Variants in MAPK10 observed in about 807,000 individuals in gnomAD.
MAPK10 encodes JNK3 alpha protein kinase.
Under a neutral mutation model 59.3 loss-of-function variants are expected in MAPK10, and 25 were observed. The ratio of observed to expected loss-of-function variants is 0.42; its 90% CI spans 0.31 to 0.59. MAPK10 has a LOEUF of 0.59. MAPK10 is among the 20% of genes least tolerant of loss of function. The pLI is 0.15. For synonymous variants in MAPK10, 190 were observed against 200.5 expected, an observed-to-expected ratio of 0.95 and a Z score of 0.44; for missense variants, 351 against 568.9, an observed-to-expected ratio of 0.62 and a Z score of 3.90.
intron 1 of MAPK10, among the ~76,000 whole-genome samples, chr4:86,566,897 C>T (rs1260296028): frequency 6.6e-6 from 1 of 151,788 alleles, no homozygotes; most frequent in African/African-American, 2.4e-5. Context: ...GGCGAAACCC[C>T]GTCTCTACTA....
intron 9 of MAPK10, among the ~76,000 whole-genome samples, chr4:86,092,949 C>T (rs2053529687): frequency 6.6e-6 from 1 of 151,952 alleles, no homozygotes; most frequent in Admixed American, 6.6e-5. Context: ...AGTCACTTTC[C>T]TTAGAAGAAA....
chr4:86,344,775 C>T (rs13115172), intron 2 of MAPK10, among the ~76,000 whole-genome samples: 109,727 of 152,090 alleles, frequency 0.72, 40,372 homozygotes, highest in South Asian at 0.9. Flanking sequence ...TGATATCATA[C>T]CTAAAGTGAC....
At chr4:86,438,774 C>A (rs1749075994) in intron 1 of MAPK10, among the ~76,000 whole-genome samples, 1 of 151,450 alleles carries the variant, frequency 6.6e-6, no homozygotes, top group African/African-American at 2.4e-5. Context: ...ACTGAGGGAA[C>A]CATCAGACTA....
intron 1 of MAPK10, among the ~76,000 whole-genome samples, chr4:86,474,195 A>G: frequency 6.6e-6 from 1 of 152,102 alleles, no homozygotes; most frequent in East Asian, 1.9e-4. Flanking sequence ...TTGGTGCACA[A>G]TTTTTATTTG....
chr4:86,441,435 C>G (rs182230652), intron 1 of MAPK10, among the ~76,000 whole-genome samples: 1 of 152,164 alleles, frequency 6.6e-6, no homozygotes, highest in South Asian at 2.1e-4. Flanking sequence ...TTTTGCATTG[C>G]GTAGTTACAG....
At chr4:86,177,321 C>T (rs2149273429) in intron 3 of MAPK10, among the ~76,000 whole-genome samples, 1 of 152,172 alleles carries the variant, frequency 6.6e-6, no homozygotes, top group Non-Finnish European at 1.5e-5. Flanking sequence ...TACAGTTTAC[C>T]TGTTACATTA....
At chr4:86,567,273 T>A (rs1007792863) in intron 1 of MAPK10, among the ~76,000 whole-genome samples, 1 of 151,452 alleles carries the variant, frequency 6.6e-6, no homozygotes, top group Non-Finnish European at 1.5e-5. Context: ...CAGGCTGGAG[T>A]ACAGTGGTAC....
intron 11 of MAPK10, among the ~76,000 whole-genome samples, chr4:86,035,195 A>C (rs552568045): frequency 6.6e-6 from 1 of 151,300 alleles, no homozygotes; most frequent in South Asian, 2.1e-4. Flanking sequence ...ACATGGTGAA[A>C]CCCCACCTCT....
intron 2 of MAPK10, among the ~76,000 whole-genome samples, chr4:86,314,526 A>G (rs1241583439): frequency 6.6e-6 from 1 of 152,104 alleles, no homozygotes; most frequent in African/African-American, 2.4e-5. Flanking sequence ...AGCCCTCCCC[A>G]GCCAGGTGGA....
At chr4:86,376,746 C>T (rs1037607694) in intron 1 of MAPK10, among the ~76,000 whole-genome samples, 2 of 152,278 alleles carry the variant, frequency 1.3e-5, no homozygotes, top group South Asian at 2.1e-4. Flanking sequence ...AAAGCTAAAT[C>T]GAGTCTCTTA....
intron 1 of MAPK10, among the ~76,000 whole-genome samples, chr4:86,498,448 A>T (rs1211497035): frequency 6.6e-6 from 1 of 152,068 alleles, no homozygotes; most frequent in Non-Finnish European, 1.5e-5. Flanking sequence ...CATTTTGGAG[A>T]CTCTTAAAAC....
chr4:86,574,578 A>C (rs1443910390), intron 1 of MAPK10, among the ~76,000 whole-genome samples: 3 of 152,136 alleles, frequency 2.0e-5, no homozygotes, highest in South Asian at 2.1e-4. Context: ...TTGTTTCCTG[A>C]CTTTTTAATG....
At chr4:86,137,323 T>C (rs1451646496) in intron 4 of MAPK10, among the ~76,000 whole-genome samples, 1 of 150,158 alleles carries the variant, frequency 6.7e-6, no homozygotes, top group African/African-American at 2.5e-5. Context: ...ACAGAAATTA[T>C]AACAAACTAT....
chr4:86,574,913 T>C (rs957121195), intron 1 of MAPK10, among the ~76,000 whole-genome samples: 2 of 152,162 alleles, frequency 1.3e-5, no homozygotes, highest in African/African-American at 2.4e-5. Context: ...AATATGATGG[T>C]TAACATGTCA....
chr4:86,553,204 GTAGGCAAGGGCATT>G (rs1759995210), intron 1 of MAPK10, among the ~76,000 whole-genome samples: 1 of 152,150 alleles, frequency 6.6e-6, no homozygotes, highest in Non-Finnish European at 1.5e-5. Flanking sequence ...CCTAGTAGTG[GTAGGCAAGGGCATT>G]TAGGAAGTGT....
At chr4:86,469,881 G>A (rs1752522402) in intron 1 of MAPK10, among the ~76,000 whole-genome samples, 1 of 152,168 alleles carries the variant, frequency 6.6e-6, no homozygotes, top group East Asian at 1.9e-4. Flanking sequence ...ATTCACCAAA[G>A]AAGTATTTGA....
chr4:86,531,131 A>G (rs1757820888), intron 1 of MAPK10, among the ~76,000 whole-genome samples: 1 of 152,174 alleles, frequency 6.6e-6, no homozygotes, highest in African/African-American at 2.4e-5. Context: ...AGACCATTTA[A>G]ATTGAAGAGC....
intron 11 of MAPK10, among the ~76,000 whole-genome samples, chr4:86,033,475 T>C (rs2039537161): frequency 6.6e-6 from 1 of 152,224 alleles, no homozygotes; most frequent in South Asian, 2.1e-4. Flanking sequence ...AGTTTTAAAA[T>C]TGAACATGGC....
chr4:86,066,152 A>C (rs900767766), intron 10 of MAPK10, among the ~76,000 whole-genome samples: 3 of 152,202 alleles, frequency 2.0e-5, no homozygotes, highest in African/African-American at 7.2e-5. Context: ...AATATGAAAA[A>C]TCACTAGTTA....
Sources: gnomAD v4.1 joint callset for allele counts (sites outside exome capture counted in the v4.1 genomes callset) on GRCh38, gnomAD v4.1.1 for gene constraint, MANE v1.5 for transcripts, NCBI Gene and HGNC (gene_info 2026-07-23, HGNC 2026-07-21) for gene names.